Variants in MGAT4C observed in about 807,000 individuals in gnomAD.
MGAT4C encodes the protein MGAT4 family member C.
Under a neutral mutation model 40.1 loss-of-function variants are expected in MGAT4C, and 19 were observed. The observed-to-expected ratio is 0.47, with a 90% CI of 0.33 to 0.70. The LOEUF is 0.70. MGAT4C is among the 30% of genes least tolerant of loss of function. MGAT4C has a pLI of 0.02. For missense variants in MGAT4C, 491 were observed against 563.2 expected (o/e 0.87, Z 1.30); for synonymous variants, 181 against 187.1 (o/e 0.97, Z 0.27).
At chr12:86,663,871 G>A (rs1222878529) in intron 2 of MGAT4C, among the ~76,000 whole-genome samples, 1 of 152,144 alleles carries the variant, frequency 6.6e-6, no homozygotes, top group African/African-American at 2.4e-5. Context: ...AAGCTCCTAT[G>A]CTTGTGGGCA....
chr12:86,678,407 C>T (rs189529124), intron 2 of MGAT4C, among the ~76,000 whole-genome samples: 1 of 151,782 alleles, frequency 6.6e-6, no homozygotes, highest in African/African-American at 2.4e-5. Flanking sequence ...ACTTCCAAAC[C>T]ACTCTGTTTC....
intron 2 of MGAT4C, among the ~76,000 whole-genome samples, chr12:86,573,314 T>C (rs1960439819): frequency 1.3e-5 from 2 of 152,118 alleles, no homozygotes; most frequent in Middle Eastern, 3.4e-3. Flanking sequence ...CGAGAGGCAA[T>C]TGAACTAAAG....
intron 1 of MGAT4C, among the ~76,000 whole-genome samples, chr12:86,157,249 G>C (rs1326084835): frequency 2.0e-5 from 3 of 152,028 alleles, no homozygotes; most frequent in Middle Eastern, 3.4e-3. Context: ...TTTAACTTAG[G>C]ACTTTCCATT....
At chr12:85,993,004 C>G (rs995131575) in intron 2 of MGAT4C, among the ~76,000 whole-genome samples, 1 of 152,210 alleles carries the variant, frequency 6.6e-6, no homozygotes, top group Non-Finnish European at 1.5e-5. Context: ...TTGCCCCAGC[C>G]TAAAAATCTT....
intron 2 of MGAT4C, among the ~76,000 whole-genome samples, chr12:85,997,727 G>A (rs1477758543): frequency 6.6e-6 from 1 of 152,214 alleles, no homozygotes; most frequent in African/African-American, 2.4e-5. Flanking sequence ...GCAAAAGGTT[G>A]GTTTCCATGG....
In MGAT4C at chr12:86,636,723, C is replaced by T. The variant is rs565804149; in HGVS notation, c.-229+90486G>A. Among the ~76,000 whole-genome samples the T allele has an allele frequency of 1.5e-4, 23 of 152,002 alleles. No individual in the cohort carries two copies. In the Middle Eastern group the frequency reaches 0.01, roughly 67 times the overall value. ...ATAACCTTTATAAAATAATATATTG[C>T]TTTTAGCAAGTAGACTGAATTGCTA... On this transcript the variant is annotated intron_variant, in intron 2 of 7. Coordinates refer to the MGAT4C transcript ENST00000548651.
intron 2 of MGAT4C, among the ~76,000 whole-genome samples, chr12:86,579,420 A>G (rs538861162): frequency 6.6e-5 from 10 of 151,770 alleles, no homozygotes; most frequent in Non-Finnish European, 1.2e-4. Context: ...ACAAGCAAAA[A>G]CAAAACTAAT....
At chr12:86,362,330 C>T (rs1955494968) in intron 3 of MGAT4C, among the ~76,000 whole-genome samples, 1 of 151,982 alleles carries the variant, frequency 6.6e-6, no homozygotes. Context: ...CCCATTGGGG[C>T]CTGGCATGGG....
At chr12:86,301,335 C>T (rs1194177869) in intron 4 of MGAT4C, among the ~76,000 whole-genome samples, 8 of 152,260 alleles carry the variant, frequency 5.3e-5, no homozygotes, top group Admixed American at 5.2e-4. Context: ...AAACTTCACT[C>T]TTGAGTATAA....
At chr12:86,681,477 T>A (rs559115279) in intron 2 of MGAT4C, among the ~76,000 whole-genome samples, 1 of 151,980 alleles carries the variant, frequency 6.6e-6, no homozygotes, top group South Asian at 2.1e-4. Flanking sequence ...TAAATGATGG[T>A]TAAAGATAAT....
chr12:86,489,977 G>A lies in MGAT4C; in HGVS notation c.-228-54712C>T, dbSNP rs183529664. ...GTACCTGAAAGTGACGGGGAGAATG[G>A]AACCAAGTTGGAAAACACTCTGCAG... On this transcript the variant is annotated intron_variant, in intron 2 of 7. Transcript: ENST00000548651. 5.9e-4 allele frequency among the ~76,000 whole-genome samples: 90 copies of A among 152,258 alleles called. No homozygotes were observed. In the East Asian group the frequency reaches 0.015, roughly 25 times the overall value.
chr12:86,228,345 C>T (rs1203969132), intron 1 of MGAT4C, among the ~76,000 whole-genome samples: 1 of 151,780 alleles, frequency 6.6e-6, no homozygotes, highest in African/African-American at 2.4e-5. Flanking sequence ...TCTATTTTAT[C>T]TATAGATAAT....
intron 3 of MGAT4C, among the ~76,000 whole-genome samples, chr12:86,408,473 CTCTCTCTATATATATATA>C (rs1440076859): frequency 9.2e-6 from 1 of 108,136 alleles, no homozygotes; most frequent in African/African-American, 4.1e-5. Flanking sequence ...CTCTCTCTCT[CTCTCTCTATATATATATA>C]TATATATATA....
intron 1 of MGAT4C, among the ~76,000 whole-genome samples, chr12:86,250,431 T>A (rs533686830): frequency 1.3e-5 from 2 of 151,838 alleles, no homozygotes; most frequent in Admixed American, 1.3e-4. Flanking sequence ...CAGAACGTCA[T>A]GAGTAAAGAA....
chr12:86,626,169 A>G (rs1271943180), intron 2 of MGAT4C, among the ~76,000 whole-genome samples: 1 of 152,214 alleles, frequency 6.6e-6, no homozygotes, highest in African/African-American at 2.4e-5. Flanking sequence ...TTGAATTAAA[A>G]TTTTTACACA....
chr12:86,648,598 G>C (rs957801261), intron 2 of MGAT4C, among the ~76,000 whole-genome samples: 2 of 151,864 alleles, frequency 1.3e-5, no homozygotes, highest in South Asian at 2.1e-4. Context: ...ACCAGGAAGA[G>C]AGCCCTCACC....
At chr12:86,821,712 T>C (rs1398878808) in intron 1 of MGAT4C, among the ~76,000 whole-genome samples, 6 of 150,988 alleles carry the variant, frequency 4.0e-5, no homozygotes, top group Non-Finnish European at 7.4e-5. Flanking sequence ...GCTGCAGTTG[T>C]TAAAAAATAA....
At chr12:86,745,121 TGGGGCAG>T (rs1207095728) in intron 1 of MGAT4C, 1 of 151,430 alleles carries the variant, frequency 6.6e-6, no homozygotes, top group Non-Finnish European at 1.5e-5. Flanking sequence ...CTACACCCTA[TGGGGCAG>T]AGAGGAAAGG....
At chr12:86,794,199 T>C (rs1187228392) in intron 1 of MGAT4C, among the ~76,000 whole-genome samples, 8 of 151,752 alleles carry the variant, frequency 5.3e-5, no homozygotes, top group Admixed American at 5.3e-4. Context: ...CATCAAAACA[T>C]TTTTTATTAA....
Sources: gnomAD v4.1 joint callset for allele counts (sites outside exome capture counted in the v4.1 genomes callset) on GRCh38, gnomAD v4.1.1 for gene constraint, MANE v1.5 for transcripts, NCBI Gene and HGNC (gene_info 2026-07-23, HGNC 2026-07-21) for gene names.